TSPAN2: variants seen among roughly 807,000 people sequenced by gnomAD.
The protein encoded by TSPAN2 is tetraspanin-2.
In TSPAN2, 24 loss-of-function variants were observed where a neutral mutation model predicts 33.3. The observed-to-expected ratio is 0.72, with a 90% CI of 0.52 to 1.01. The LOEUF (loss-of-function observed/expected upper bound fraction) is 1.01. TSPAN2 is among the 50% of genes least tolerant of loss of function. The pLI, the probability that TSPAN2 is intolerant of heterozygous loss-of-function variation, is 0.00. For missense variants in TSPAN2, 278 were observed against 281.3 expected (o/e 0.99, Z 0.08); for synonymous variants, 114 against 104.5 (o/e 1.09, Z -0.56).
chr1:115,054,415 C>T (rs1647316613), intron 6 of TSPAN2, among the ~76,000 whole-genome samples: 1 of 152,160 alleles, frequency 6.6e-6, no homozygotes, highest in Non-Finnish European at 1.5e-5. Context: ...ATGGTTTCTC[C>T]TGCTTTCTGG....
intron 1 of TSPAN2, among the ~76,000 whole-genome samples, chr1:115,079,137 CCACACA>C (rs202132434): frequency 0.062 from 9,136 of 146,756 alleles, 330 homozygotes; most frequent in African/African-American, 0.083. Context: ...AATTATAGCG[CCACACA>C]CACACACACA....
At chr1:115,074,633 A>G (rs1648331532) in intron 1 of TSPAN2, among the ~76,000 whole-genome samples, 1 of 152,242 alleles carries the variant, frequency 6.6e-6, no homozygotes, top group South Asian at 2.1e-4. Context: ...GAAGGACAGG[A>G]TTCCAGGTGA....
At chr1:115,054,555 A>C (rs1467359279) in intron 6 of TSPAN2, among the ~76,000 whole-genome samples, 2 of 152,114 alleles carry the variant, frequency 1.3e-5, no homozygotes, top group Non-Finnish European at 2.9e-5. Flanking sequence ...ACCTATAGCA[A>C]TTCTTTCACT....
In TSPAN2 at chr1:115,089,458, A is replaced by C; in HGVS notation, c.-26T>G. ...GCTGCGGCCCGGCGGCGGGATCCCC[A>C]GTCCCCAGGCCCGCGCTACGAGCGC... On this transcript the variant is annotated 5_prime_UTR_variant, in exon 1 of 8. Coordinates refer to ENST00000369516, the MANE Select transcript of TSPAN2 (RefSeq NM_005725.6). The C allele has an allele frequency of 1.3e-6, 2 of 1,530,210 alleles. No homozygotes were observed. The highest frequency in any genetic ancestry group is 3.8e-4 in the Middle Eastern group (2 of 5,298). The allele number at this position is 1,530,210 out of a possible 1,614,324, so 94.8% of individuals were successfully genotyped here. A position where few individuals can be genotyped will look rare whatever the true frequency, so the allele number is the denominator to read the frequency against.
At chr1:115,064,464 C>T (rs957881110) in intron 2 of TSPAN2, among the ~76,000 whole-genome samples, 1 of 152,238 alleles carries the variant, frequency 6.6e-6, no homozygotes, top group Non-Finnish European at 1.5e-5. Flanking sequence ...CTTTATCCAT[C>T]CTATGCTCCA....
intron 1 of TSPAN2, 49 bp downstream of exon 1, chr1:115,089,312 GCCC>G: frequency 2.9e-6 from 4 of 1,389,158 alleles, no homozygotes; most frequent in Non-Finnish European, 3.9e-6. Context: ...CCGGCCCCGC[GCCC>G]GCCACCCGGC....
chr1:115,069,418 C>T lies in TSPAN2; in HGVS notation c.172+3487G>A, dbSNP rs370945790. On this transcript the variant is annotated intron_variant, in intron 2 of 7. Transcript: ENST00000369516. ...TGGGCACGAGGTCCAATACTGCCAA[C>T]GAGAGTTAGGCCTGGGGCATTACAT... 6.6e-4 allele frequency among the ~76,000 whole-genome samples: 100 copies of T among 152,182 alleles called. 1 individual carries two copies. The highest frequency in any genetic ancestry group is 6.3e-3 in the Middle Eastern group (2 of 316).
intron 2 of TSPAN2, among the ~76,000 whole-genome samples, chr1:115,062,613 A>G (rs189041158): frequency 1.3e-5 from 2 of 152,364 alleles, no homozygotes; most frequent in East Asian, 3.9e-4. Context: ...TTCTGAGAGA[A>G]CTAAAGCCAA....
intron 1 of TSPAN2, among the ~76,000 whole-genome samples, chr1:115,081,568 C>T (rs1006996528): frequency 7.9e-5 from 12 of 152,150 alleles, no homozygotes; most frequent in Admixed American, 3.3e-4. Context: ...GGGTTCTACG[C>T]ATTTGGGTTT....
At chr1:115,074,079 T>C (rs1319881368) in intron 1 of TSPAN2, among the ~76,000 whole-genome samples, 6 of 152,158 alleles carry the variant, frequency 3.9e-5, no homozygotes, top group Non-Finnish European at 8.8e-5. Context: ...CCAGTTGCTG[T>C]TGGGCTGCCC....
At position 115,067,101 on chromosome 1, in the gene TSPAN2, T is replaced by G. The variant is rs144197660; in HGVS notation, c.173-4869A>C. Among the ~76,000 whole-genome samples the G allele has an allele frequency of 5.4e-3, 819 of 152,330 alleles. 7 individuals carry two copies. Among genetic ancestry groups the G allele is most frequent in the Middle Eastern group, 0.024 (7 of 294 alleles). The stretch of plus-strand genomic sequence containing the variant: ...CTGAGACACCAAGAAATTAAATAAT[T>G]TATGTAAGATTGCATAGCTTGTGAG... On this transcript the variant is annotated intron_variant, in intron 2 of 7. Transcript: ENST00000369516.
intron 4 of TSPAN2, among the ~76,000 whole-genome samples, chr1:115,060,167 C>T (rs961921477): frequency 1.3e-5 from 2 of 152,110 alleles, no homozygotes; most frequent in African/African-American, 2.4e-5. Flanking sequence ...AACTGTTACC[C>T]CATTTCACAA....
rs569026652 is a variant in TSPAN2 at position 115,067,975 on chromosome 1, C to T, written c.172+4930G>A. ...GAATTTGGAAGACACGGGGGCTTCT[C>T]CCAAGAGTGCCCTGAAAGAGACTAG... On this transcript the variant is annotated intron_variant, in intron 2 of 7. Coordinates refer to ENST00000369516, the MANE Select transcript of TSPAN2 (RefSeq NM_005725.6). Among the ~76,000 whole-genome samples the T allele has an allele frequency of 2.6e-5, 4 of 152,302 alleles. No individual in the cohort carries two copies. In the East Asian group the frequency reaches 7.7e-4, roughly 29 times the overall value.
chr1:115,089,247 A>C (rs1570990403), intron 1 of TSPAN2, 117 bp downstream of exon 1: 1 of 818,884 alleles, frequency 1.2e-6, no homozygotes, highest in Non-Finnish European at 1.8e-6. Flanking sequence ...GCGTTTGAGC[A>C]CCCAGCCCTC....
In TSPAN2 at chr1:115,062,166, G is replaced by C; in HGVS notation, c.239C>G (p.Ala80Gly). The C allele has an allele frequency of 1.2e-6, 2 of 1,600,870 alleles. No individual in the cohort carries two copies. The highest frequency in any genetic ancestry group is 1.7e-6 in the Non-Finnish European group (2 of 1,173,668). ...AAGCACACATTGCGACTCCCGCATGGCTCCGCAGCACCCGAAGAACCCCAC... is the reference window on the plus strand; with the variant it reads ...AAGCACACATTGCGACTCCCGCATGCCTCCGCAGCACCCGAAGAACCCCAC... ...MAVGFFGCCG[A>G]MRESQCVLGS... is the part of the protein sequence containing the mutation. The change falls in exon 3 of 8, where the codon GCC (alanine) becomes GGC (glycine). Residue 80 changes from alanine (A) to glycine (G), a missense_variant. By Grantham distance (60) the Ala-to-Gly change is moderately conservative (BLOSUM62 0). Coordinates refer to ENST00000369516, the MANE Select transcript of TSPAN2 (RefSeq NM_005725.6).
intron 1 of TSPAN2, among the ~76,000 whole-genome samples, chr1:115,086,098 G>T (rs1231704018): frequency 2.0e-5 from 3 of 152,022 alleles, no homozygotes; most frequent in African/African-American, 4.8e-5. Context: ...AGGAGAAAGA[G>T]AGCTAACATT....
At chr1:115,052,151 C>G (rs917151549) in intron 7 of TSPAN2, among the ~76,000 whole-genome samples, 1 of 152,192 alleles carries the variant, frequency 6.6e-6, no homozygotes, top group African/African-American at 2.4e-5. Context: ...GCCAGGCTAT[C>G]CCCAGAGCAG....
intron 2 of TSPAN2, 57 bp from the exon 3 acceptor site, chr1:115,062,289 A>T: frequency 7.3e-7 from 1 of 1,363,994 alleles, no homozygotes; most frequent in Non-Finnish European, 1.0e-6. Flanking sequence ...CTCCACGACC[A>T]ACTAGGCTTA....
chr1:115,057,625 G>A lies in TSPAN2; in HGVS notation c.445-17C>T, dbSNP rs373441274. ...GCACTGAAACTAGAGAGTCAGAAAA[G>A]AGACTTCAGGACCAGGCGGGAGGAG... On this transcript the variant is annotated splice_polypyrimidine_tract_variant and intron_variant, in intron 5 of 7. Transcript: ENST00000369516. 1.8e-4 allele frequency: 285 copies of A among 1,613,384 alleles called. 2 individuals carry two copies. The highest frequency in any genetic ancestry group is 3.0e-4 in the Admixed American group (18 of 59,996).
Sources: allele counts gnomAD v4.1 joint callset (sites outside exome capture counted in the v4.1 genomes callset), GRCh38; gene constraint gnomAD v4.1.1; transcripts MANE v1.5; gene names NCBI Gene and HGNC (gene_info 2026-07-23, HGNC 2026-07-21).